PTPDC1: variants seen among roughly 807,000 people sequenced by gnomAD.
The protein encoded by PTPDC1 is protein tyrosine phosphatase domain-containing protein 1.
PTPDC1 carries 53 observed loss-of-function variants against 75.3 expected under a neutral mutation model. That is an observed-to-expected ratio of 0.70 (90% CI 0.56 to 0.88). The LOEUF (loss-of-function observed/expected upper bound fraction) is 0.88. PTPDC1 is among the 40% of genes least tolerant of loss of function. The pLI is 0.00. For missense variants in PTPDC1, 925 were observed against 998.6 expected (o/e 0.93, Z 0.99); for synonymous variants, 349 against 366.2 (o/e 0.95, Z 0.54).
chr9:94,066,731 T>C (rs1826319571), intron 2 of PTPDC1, among the ~76,000 whole-genome samples: 1 of 151,948 alleles, frequency 6.6e-6, no homozygotes, highest in Non-Finnish European at 1.5e-5. Flanking sequence ...CTCATTTTTG[T>C]GTTTTTAGTA....
chr9:94,076,589 A>G (rs932067020), intron 2 of PTPDC1, among the ~76,000 whole-genome samples: 1 of 152,088 alleles, frequency 6.6e-6, no homozygotes, highest in Non-Finnish European at 1.5e-5. Flanking sequence ...CCATTTATCC[A>G]TTCCCCTGAT....
chr9:94,060,034 C>A (rs766318415), intron 1 of PTPDC1, among the ~76,000 whole-genome samples: 6 of 152,050 alleles, frequency 3.9e-5, no homozygotes, highest in Non-Finnish European at 8.8e-5. Context: ...ATATTAATAA[C>A]TATAGAGTAT....
chr9:94,091,192 C>A (rs1028173617), intron 4 of PTPDC1, among the ~76,000 whole-genome samples: 2 of 151,540 alleles, frequency 1.3e-5, no homozygotes, highest in African/African-American at 4.9e-5. Context: ...AGTTTTTGCC[C>A]ATTCAGTATG....
chr9:94,086,527 T>C (rs1231936307), intron 2 of PTPDC1, among the ~76,000 whole-genome samples: 1 of 152,192 alleles, frequency 6.6e-6, no homozygotes, highest in Non-Finnish European at 1.5e-5. Context: ...TGACAGTCTC[T>C]GTTATTCCCC....
At position 94,053,385 on chromosome 9, in the gene PTPDC1, C is replaced by A. The variant is rs935471223; in HGVS notation, c.-6-11349C>A. Among the ~76,000 whole-genome samples, 6 of 151,784 alleles carry A rather than the reference C, an allele frequency of 4.0e-5. No homozygotes were observed. The East Asian group carries it at 1.2e-3, about 29-fold the overall frequency. ...AAAAAGGAATTTTATATAGTCATGT[C>A]ATTTTTTTAGGTTATAAATTCAGAG... On this transcript the variant is annotated intron_variant, in intron 1 of 9. Transcript: ENST00000375360.
At chr9:94,104,927 A>G (rs1050609241) in intron 8 of PTPDC1, among the ~76,000 whole-genome samples, 2 of 152,214 alleles carry the variant, frequency 1.3e-5, no homozygotes, top group African/African-American at 4.8e-5. Context: ...ATACTGAGAG[A>G]AAAGTTTCCC....
upstream of PTPDC1, among the ~76,000 whole-genome samples, chr9:94,080,008 C>A (rs1465807308): frequency 6.6e-6 from 1 of 152,186 alleles, no homozygotes; most frequent in Non-Finnish European, 1.5e-5. Context: ...GGAGAGTGAC[C>A]TGGCCCAGGT....
chr9:94,061,966 C>A (rs1483451178), intron 1 of PTPDC1, among the ~76,000 whole-genome samples: 2 of 152,210 alleles, frequency 1.3e-5, no homozygotes, highest in Non-Finnish European at 2.9e-5. Context: ...ATGGACTTTT[C>A]TTTTCTACCA....
At chr9:94,038,470 C>A in intron 1 of PTPDC1, 1 of 283,152 alleles carries the variant, frequency 3.5e-6, no homozygotes, top group Non-Finnish European at 6.6e-6. Flanking sequence ...ATTGGGCCGT[C>A]CTGATTTAAA....
chr9:94,064,084 A>G (rs903188969), intron 1 of PTPDC1, among the ~76,000 whole-genome samples: 5 of 152,156 alleles, frequency 3.3e-5, no homozygotes, highest in African/African-American at 9.7e-5. Context: ...GTTTTCATCA[A>G]TATTTACATT....
chr9:94,072,252 C>T (rs559374406), intron 2 of PTPDC1, among the ~76,000 whole-genome samples: 10 of 152,262 alleles, frequency 6.6e-5, no homozygotes, highest in African/African-American at 2.4e-4. Flanking sequence ...GTGATCTGCC[C>T]GCCTTGGCCT....
Position 94,084,555 on chromosome 9 carries a change from C to T in PTPDC1, c.25C>T (p.Arg9Trp), listed in dbSNP as rs370500898. The T allele has an allele frequency of 2.2e-5, 35 of 1,612,336 alleles. No homozygotes were observed. Among genetic ancestry groups the T allele is most frequent in the African/African-American group, 6.7e-5 (5 of 75,026 alleles). Reference sequence around the variant, plus strand: ...CATGCAGGTGCAGGATGCAACCAGGCGGCCCTCAGCCGTGCGCTTCCTCAG... The same window carrying T: ...CATGCAGGTGCAGGATGCAACCAGGTGGCCCTCAGCCGTGCGCTTCCTCAG... MQVQDATR[R>W]PSAVRFLSSF... The change falls in exon 1 of 9, where the codon CGG becomes TGG. Residue 9 changes from arginine to tryptophan, a missense_variant. By Grantham distance (101) the Arg-to-Trp change is moderately radical. Transcript: ENST00000620992.
chr9:94,035,526 G>A (rs55748903), intron 1 of PTPDC1, among the ~76,000 whole-genome samples: 1,643 of 152,224 alleles, frequency 0.011, 15 homozygotes, highest in Non-Finnish European at 0.016. Context: ...CTTTTTTAAG[G>A]CTGAATAGTA....
At chr9:94,056,264 TA>T (rs1825932138) in intron 1 of PTPDC1, among the ~76,000 whole-genome samples, 2 of 152,172 alleles carry the variant, frequency 1.3e-5, no homozygotes, top group Admixed American at 1.3e-4. Context: ...TTAATGAGCA[TA>T]AAAATATTTA....
intron 4 of PTPDC1, among the ~76,000 whole-genome samples, chr9:94,089,323 T>C (rs1312997705): frequency 6.6e-6 from 1 of 150,910 alleles, no homozygotes; most frequent in African/African-American, 2.4e-5. Flanking sequence ...AGTGAGAATA[T>C]GCGGTGTTTG....
At chr9:94,086,520 C>A (rs1312913057) in intron 2 of PTPDC1, among the ~76,000 whole-genome samples, 1 of 152,176 alleles carries the variant, frequency 6.6e-6, no homozygotes, top group Non-Finnish European at 1.5e-5. Flanking sequence ...CCTGCCCTGA[C>A]AGTCTCTGTT....
chr9:94,071,155 C>G (rs1826501288), intron 2 of PTPDC1, among the ~76,000 whole-genome samples: 1 of 152,164 alleles, frequency 6.6e-6, no homozygotes, highest in African/African-American at 2.4e-5. Flanking sequence ...GATCAAGTTT[C>G]TCTACATCCT....
At chr9:94,095,254 T>TTA in intron 4 of PTPDC1, 63 bp from the exon 5 acceptor site, 2 of 1,164,310 alleles carry the variant, frequency 1.7e-6, no homozygotes, top group Non-Finnish European at 2.4e-6. Context: ...TACTTTTCAT[T>TTA]AGTGTTTGTA....
At chr9:94,056,536 A>C (rs979106126) in intron 1 of PTPDC1, among the ~76,000 whole-genome samples, 1 of 152,206 alleles carries the variant, frequency 6.6e-6, no homozygotes, top group Non-Finnish European at 1.5e-5. Context: ...CCAGAGTTAG[A>C]GAGCTAGTGC....
Sources: gnomAD v4.1 joint callset for allele counts (sites outside exome capture counted in the v4.1 genomes callset) on GRCh38, gnomAD v4.1.1 for gene constraint, MANE v1.5 for transcripts, NCBI Gene and HGNC (gene_info 2026-07-23, HGNC 2026-07-21) for gene names.